The following EXOC4 variants were observed in gnomAD, a reference collection of about 807,000 sequenced individuals.
EXOC4 encodes SEC8-like 1.
In EXOC4, 71 loss-of-function variants were observed where a neutral mutation model predicts 107.2. The observed-to-expected ratio is 0.66, with a 90% CI of 0.55 to 0.81. EXOC4 has a LOEUF of 0.81. Among genes scored for constraint, EXOC4 ranks in the 30% least tolerant of loss-of-function variants. The pLI is 0.00. For missense variants in EXOC4, 1,108 were observed against 1,189.6 expected (o/e 0.93, Z 1.01); for synonymous variants, 456 against 441.2 (o/e 1.03, Z -0.42).
At chr7:133,852,260 T>C (rs1358668150) in intron 11 of EXOC4, among the ~76,000 whole-genome samples, 1 of 151,286 alleles carries the variant, frequency 6.6e-6, no homozygotes, top group African/African-American at 2.4e-5. Flanking sequence ...TCTTGCTCTG[T>C]CACCCAGGCT....
chr7:134,067,292 A>T (rs911289765), downstream of EXOC4, among the ~76,000 whole-genome samples: 9 of 152,092 alleles, frequency 5.9e-5, no homozygotes, highest in Non-Finnish European at 1.0e-4. Context: ...ATCACTAGTC[A>T]CTGTGCCATG....
At chr7:133,940,108 A>G (rs916159137) in intron 14 of EXOC4, among the ~76,000 whole-genome samples, 2 of 152,086 alleles carry the variant, frequency 1.3e-5, no homozygotes, top group African/African-American at 4.8e-5. Flanking sequence ...TAATGCTACA[A>G]TCTCTTATTT....
intron 14 of EXOC4, among the ~76,000 whole-genome samples, chr7:133,966,341 T>C (rs1403989251): frequency 6.6e-6 from 1 of 152,218 alleles, no homozygotes; most frequent in Admixed American, 6.5e-5. Flanking sequence ...CTGATTGCCC[T>C]GGCCAGAACT....
intron 11 of EXOC4, among the ~76,000 whole-genome samples, chr7:133,821,602 T>C (rs1159463512): frequency 2.6e-5 from 4 of 152,240 alleles, no homozygotes; most frequent in African/African-American, 9.6e-5. Context: ...TTTTATGTTT[T>C]ATAAAAGTAT....
chr7:133,899,995 C>T (rs1283862068), intron 12 of EXOC4, among the ~76,000 whole-genome samples: 1 of 152,034 alleles, frequency 6.6e-6, no homozygotes, highest in Non-Finnish European at 1.5e-5. Context: ...AAGCGATTCT[C>T]CCACCGCCTC....
At chr7:134,053,455 A>G (rs1399156910) in intron 17 of EXOC4, among the ~76,000 whole-genome samples, 3 of 151,954 alleles carry the variant, frequency 2.0e-5, no homozygotes, top group African/African-American at 7.2e-5. Flanking sequence ...ACTTGACCAA[A>G]GTTGTACAAA....
intron 10 of EXOC4, among the ~76,000 whole-genome samples, chr7:133,676,929 GTGTGTGTGTGTGTGTGTGTGTGTGTGTA>G (rs1794072021): frequency 1.4e-5 from 1 of 70,074 alleles, no homozygotes; most frequent in South Asian, 5.2e-4. Context: ...AGTAAACTCT[GTGTGTGTGTGTGTGTGTGTGTGTGTGTA>G]TGTGTGTGTG....
chr7:133,581,909 T>G, intron 9 of EXOC4, among the ~76,000 whole-genome samples: 1 of 152,056 alleles, frequency 6.6e-6, no homozygotes. Context: ...GCACGTCTTT[T>G]CATGGCAGCA....
chr7:133,993,983 G>A (rs1165128235), intron 14 of EXOC4, among the ~76,000 whole-genome samples: 1 of 152,252 alleles, frequency 6.6e-6, no homozygotes, highest in African/African-American at 2.4e-5. Context: ...GAGCAAGGGA[G>A]AGAATGGAAC....
At chr7:133,547,702 TA>T (rs1205863327) in intron 9 of EXOC4, among the ~76,000 whole-genome samples, 1 of 152,216 alleles carries the variant, frequency 6.6e-6, no homozygotes, top group Non-Finnish European at 1.5e-5. Context: ...TTTGCTTGAC[TA>T]TAAAAACTCC....
At chr7:133,955,271 A>G (rs1225327020) in intron 14 of EXOC4, among the ~76,000 whole-genome samples, 2 of 152,206 alleles carry the variant, frequency 1.3e-5, no homozygotes, top group African/African-American at 4.8e-5. Context: ...GGAGACCTGC[A>G]GTGGGTAACT....
At chr7:133,596,243 C>T (rs796561743) in intron 9 of EXOC4, among the ~76,000 whole-genome samples, 5 of 152,180 alleles carry the variant, frequency 3.3e-5, no homozygotes, top group African/African-American at 1.2e-4. Context: ...AGAAAATGTT[C>T]CATGGATTTT....
chr7:133,884,738 C>T (rs1047155038), intron 11 of EXOC4, among the ~76,000 whole-genome samples: 1 of 152,042 alleles, frequency 6.6e-6, no homozygotes. Flanking sequence ...GGAGCTAAAA[C>T]AGTACAGATA....
intron 9 of EXOC4, among the ~76,000 whole-genome samples, chr7:133,578,516 A>G (rs1185546871): frequency 6.6e-6 from 1 of 152,194 alleles, no homozygotes; most frequent in East Asian, 1.9e-4. Flanking sequence ...TTTAAAATAT[A>G]TATAACCCTG....
the EXOC4 span, among the ~76,000 whole-genome samples, chr7:134,088,003 G>A: frequency 1.3e-5 from 2 of 152,138 alleles, no homozygotes; most frequent in East Asian, 3.9e-4. Context: ...CCCTGCCATG[G>A]GTTTGTACCC....
chr7:133,716,095 C>A (rs1358082503), intron 10 of EXOC4, among the ~76,000 whole-genome samples: 2 of 152,174 alleles, frequency 1.3e-5, no homozygotes, highest in Non-Finnish European at 2.9e-5. Context: ...TTAAAGAGTA[C>A]ATGCTACAAC....
intron 14 of EXOC4, among the ~76,000 whole-genome samples, chr7:133,943,737 C>G (rs1341356601): frequency 6.6e-6 from 1 of 151,850 alleles, no homozygotes; most frequent in African/African-American, 2.4e-5. Flanking sequence ...ACTTATTTTG[C>G]AATTTGGTTA....
At chr7:133,987,426 GA>G (rs1794144064) in intron 14 of EXOC4, among the ~76,000 whole-genome samples, 1 of 151,772 alleles carries the variant, frequency 6.6e-6, no homozygotes, top group Non-Finnish European at 1.5e-5. Flanking sequence ...AGGAAGGGAG[GA>G]AGGGAGAAAA....
chr7:133,948,812 A>G (rs577160466), intron 14 of EXOC4, among the ~76,000 whole-genome samples: 10 of 152,354 alleles, frequency 6.6e-5, no homozygotes, highest in African/African-American at 1.2e-4. Flanking sequence ...AAATCAGTCA[A>G]TGACAAAAAT....
Sources: allele counts gnomAD v4.1 joint callset (sites outside exome capture counted in the v4.1 genomes callset), GRCh38; gene constraint gnomAD v4.1.1; transcripts MANE v1.5; gene names NCBI Gene and HGNC (gene_info 2026-07-23, HGNC 2026-07-21).